The following CNTN6 variants were observed in gnomAD, a reference collection of about 807,000 sequenced individuals.
The protein encoded by CNTN6 is contactin 6.
CNTN6 carries 137 observed loss-of-function variants against 122.8 expected under a neutral mutation model. The observed-to-expected ratio is 1.12, with a 90% confidence interval of 0.97 to 1.29. CNTN6 has a LOEUF of 1.29. Ranked by LOEUF, CNTN6 falls within the 50% of genes most tolerant of loss-of-function variation. The pLI is 0.00. For missense variants in CNTN6, 1,634 were observed against 1,223.4 expected (o/e 1.34, Z -5.01); for synonymous variants, 570 against 426.0 (o/e 1.34, Z -4.16).
chr3:1,305,384 T>G (rs366824), intron 7 of CNTN6, among the ~76,000 whole-genome samples: 2 of 152,032 alleles, frequency 1.3e-5, no homozygotes, highest in Non-Finnish European at 1.5e-5. Flanking sequence ...CTGACTTCCT[T>G]TGTTGGAGTT....
intron 11 of CNTN6, among the ~76,000 whole-genome samples, chr3:1,338,663 T>G (rs1306596631): frequency 6.6e-6 from 1 of 152,162 alleles, no homozygotes; most frequent in African/African-American, 2.4e-5. Context: ...ATTTTACCTC[T>G]TGCTTCTAAT....
At chr3:1,187,276 C>CTT (rs10710040) in intron 2 of CNTN6, among the ~76,000 whole-genome samples, 2,485 of 148,442 alleles carry the variant, frequency 0.017, 31 homozygotes, top group Non-Finnish European at 0.026. Flanking sequence ...TCCATACATA[C>CTT]TTTTTTTTTT....
chr3:1,230,324 C>T (rs2094338386), intron 4 of CNTN6, among the ~76,000 whole-genome samples: 2 of 152,106 alleles, frequency 1.3e-5, no homozygotes, highest in African/African-American at 4.8e-5. Context: ...GATGAGGATA[C>T]AGCAGTAGCC....
chr3:1,093,212 T>C (rs1264739092), intron 1 of CNTN6, 92 bp downstream of exon 1: 1 of 198,802 alleles, frequency 5.0e-6, no homozygotes, highest in Non-Finnish European at 1.0e-5. Context: ...AATGTCTTTG[T>C]ATTAGCATAA....
At chr3:1,163,095 G>C (rs1260827378) in intron 2 of CNTN6, among the ~76,000 whole-genome samples, 1 of 152,128 alleles carries the variant, frequency 6.6e-6, no homozygotes, top group Non-Finnish European at 1.5e-5. Context: ...TCTAAGATGA[G>C]AAGCGTTACA....
At chr3:1,251,537 T>A (rs2094669588) in intron 4 of CNTN6, among the ~76,000 whole-genome samples, 1 of 152,192 alleles carries the variant, frequency 6.6e-6, no homozygotes, top group Admixed American at 6.5e-5. Flanking sequence ...TTCATTCATC[T>A]GGTGAAATCT....
chr3:1,231,858 T>C (rs892529831), intron 4 of CNTN6, among the ~76,000 whole-genome samples: 2 of 152,212 alleles, frequency 1.3e-5, no homozygotes, highest in Non-Finnish European at 2.9e-5. Context: ...ACCAAAGGCT[T>C]CTGTTATCAT....
At chr3:1,359,838 A>G (rs954077479) in intron 12 of CNTN6, among the ~76,000 whole-genome samples, 1 of 152,026 alleles carries the variant, frequency 6.6e-6, no homozygotes, top group Non-Finnish European at 1.5e-5. Context: ...TCTCTGTCCA[A>G]GGTTTATTTC....
chr3:1,300,335 G>T (rs1696990124), intron 7 of CNTN6, among the ~76,000 whole-genome samples: 1 of 151,898 alleles, frequency 6.6e-6, no homozygotes, highest in Non-Finnish European at 1.5e-5. Flanking sequence ...ATGCCCAAGG[G>T]AGAGTAGGTG....
intron 1 of CNTN6, among the ~76,000 whole-genome samples, chr3:1,111,014 T>C (rs1310290632): frequency 6.6e-6 from 1 of 152,170 alleles, no homozygotes; most frequent in Non-Finnish European, 1.5e-5. Flanking sequence ...TGGCCTCATT[T>C]TTCCTATGTG....
Position 1,373,741 on chromosome 3 carries a change from G to C in CNTN6, c.1924G>C (p.Gly642Arg), listed in dbSNP as rs755176157. 6.2e-7 allele frequency: 1 copy of C among 1,608,946 alleles called. No individual in the cohort carries two copies. The highest frequency in any genetic ancestry group is 8.5e-7 in the Non-Finnish European group (1 of 1,177,368). ...TIQTRTPFSVGWQAVATVPEI... is the reference protein window; with the variant it reads ...TIQTRTPFSVRWQAVATVPEI... ...TCAGACTCGGACACCATTTTCTGTG[G>C]GTTGGCAGGCTGTTGCTACAGGTGA... The change falls in exon 15 of 23, where the codon GGT (glycine) becomes CGT (arginine). Residue 642 changes from glycine to arginine, a missense_variant. By Grantham distance (125) the Gly-to-Arg change is moderately radical. Transcript: ENST00000446702.
At chr3:1,357,131 T>C (rs929122605) in intron 12 of CNTN6, among the ~76,000 whole-genome samples, 1 of 151,956 alleles carries the variant, frequency 6.6e-6, no homozygotes, top group African/African-American at 2.4e-5. Flanking sequence ...TAGATGTTAA[T>C]ACAGCATAGG....
chr3:1,291,854 A>C (rs1041423382), intron 5 of CNTN6, among the ~76,000 whole-genome samples: 1 of 152,042 alleles, frequency 6.6e-6, no homozygotes, highest in African/African-American at 2.4e-5. Context: ...GAAAATAAAG[A>C]CTCAATACAT....
At chr3:1,172,562 A>G (rs1374155389) in intron 2 of CNTN6, among the ~76,000 whole-genome samples, 1 of 152,006 alleles carries the variant, frequency 6.6e-6, no homozygotes, top group Non-Finnish European at 1.5e-5. Flanking sequence ...TTAGTGTACC[A>G]TTTCCCAAAA....
At chr3:1,312,588 C>T (rs565913163) in intron 7 of CNTN6, among the ~76,000 whole-genome samples, 3 of 146,332 alleles carry the variant, frequency 2.1e-5, no homozygotes, top group East Asian at 2.1e-4. Flanking sequence ...AGATAGTCTC[C>T]GTGATTTCAC....
At chr3:1,281,209 A>C (rs941295608) in intron 5 of CNTN6, among the ~76,000 whole-genome samples, 6 of 152,224 alleles carry the variant, frequency 3.9e-5, no homozygotes, top group African/African-American at 1.4e-4. Context: ...ATTTTGCCCT[A>C]CAATATGTTT....
chr3:1,381,302 G>T (rs1460259596), intron 17 of CNTN6, among the ~76,000 whole-genome samples: 2 of 151,696 alleles, frequency 1.3e-5, no homozygotes, highest in Non-Finnish European at 2.9e-5. Flanking sequence ...AAAAAGAAGA[G>T]AAGTGTTAAT....
At chr3:1,113,824 C>G (rs542117133) in intron 1 of CNTN6, among the ~76,000 whole-genome samples, 43 of 144,834 alleles carry the variant, frequency 3.0e-4, no homozygotes, top group Middle Eastern at 3.5e-3. Context: ...TATATAATGG[C>G]ATCATGCTAC....
intron 4 of CNTN6, among the ~76,000 whole-genome samples, chr3:1,228,379 G>A (rs893271398): frequency 4.7e-4 from 71 of 152,236 alleles, no homozygotes; most frequent in African/African-American, 1.7e-3. Context: ...TCATCTGGGG[G>A]AGGTGGGCGT....
Sources: allele counts gnomAD v4.1 joint callset (sites outside exome capture counted in the v4.1 genomes callset), GRCh38; gene constraint gnomAD v4.1.1; transcripts MANE v1.5; gene names NCBI Gene and HGNC (gene_info 2026-07-23, HGNC 2026-07-21).